The following LRP1B variants were observed in gnomAD, a reference collection of about 807,000 sequenced individuals.
LRP1B encodes the protein LDL receptor related protein 1B, also known as low-density lipoprotein receptor-related protein 1B.
Under a neutral mutation model 556.6 loss-of-function variants are expected in LRP1B, and 217 were observed. That is an observed-to-expected ratio of 0.39 (90% CI 0.35 to 0.44). The LOEUF (loss-of-function observed/expected upper bound fraction) is 0.44, where lower values mean the gene tolerates loss of function less well. Ranked by LOEUF, LRP1B falls within the 20% of genes least tolerant of loss-of-function variation. The pLI is 1.00. For missense variants in LRP1B, 5,053 were observed against 5,620.8 expected (o/e 0.90, Z 3.23); for synonymous variants, 2,047 against 1,865.8 (o/e 1.10, Z -2.50).
At chr2:140,768,260 A>G (rs760728421) in intron 35 of LRP1B, among the ~76,000 whole-genome samples, 8 of 151,918 alleles carry the variant, frequency 5.3e-5, no homozygotes, top group Non-Finnish European at 1.2e-4. Flanking sequence ...ACATGATTAA[A>G]CAAAATGTGT....
intron 41 of LRP1B, among the ~76,000 whole-genome samples, chr2:140,699,476 A>G (rs1686551994): frequency 6.6e-6 from 1 of 151,860 alleles, no homozygotes; most frequent in Admixed American, 6.6e-5. Flanking sequence ...TTATTTGAAC[A>G]CTCTACAACA....
chr2:141,935,089 T>G (rs1304467490), intron 1 of LRP1B, among the ~76,000 whole-genome samples: 2 of 152,062 alleles, frequency 1.3e-5, no homozygotes, highest in African/African-American at 4.8e-5. Flanking sequence ...GACAGTAATT[T>G]CTCCATTGTA....
At chr2:140,320,068 G>A (rs1296831888) in intron 82 of LRP1B, among the ~76,000 whole-genome samples, 1 of 152,066 alleles carries the variant, frequency 6.6e-6, no homozygotes, top group Admixed American at 6.6e-5. Flanking sequence ...CTGTCTTAGT[G>A]TCCTCCTCCC....
chr2:141,687,451 T>C (rs1175155891), intron 2 of LRP1B, among the ~76,000 whole-genome samples: 1 of 152,044 alleles, frequency 6.6e-6, no homozygotes, highest in Non-Finnish European at 1.5e-5. Context: ...TTGAATTTGC[T>C]ACTTAGCCAT....
At chr2:141,852,047 A>G (rs1391396289) in intron 1 of LRP1B, among the ~76,000 whole-genome samples, 1 of 151,764 alleles carries the variant, frequency 6.6e-6, no homozygotes, top group Non-Finnish European at 1.5e-5. Flanking sequence ...ATGTCCCCCA[A>G]ATCCTAATTT....
At chr2:140,630,504 A>C (rs1683839737) in intron 41 of LRP1B, among the ~76,000 whole-genome samples, 1 of 152,156 alleles carries the variant, frequency 6.6e-6, no homozygotes, top group African/African-American at 2.4e-5. Context: ...CATAGCTACA[A>C]ATGGGAAGGA....
intron 15 of LRP1B, among the ~76,000 whole-genome samples, chr2:140,999,821 C>A (rs1176708898): frequency 2.0e-5 from 3 of 151,756 alleles, no homozygotes; most frequent in African/African-American, 7.3e-5. Context: ...GTTGGAGATA[C>A]AAAAAAGGAG....
At chr2:140,417,777 A>T (rs1685263272) in intron 66 of LRP1B, among the ~76,000 whole-genome samples, 1 of 152,204 alleles carries the variant, frequency 6.6e-6, no homozygotes, top group Non-Finnish European at 1.5e-5. Context: ...CTAGCCAAAA[A>T]ATGTCATCTG....
chr2:140,858,995 T>C (rs1295112846), intron 27 of LRP1B, among the ~76,000 whole-genome samples: 1 of 152,158 alleles, frequency 6.6e-6, no homozygotes, highest in African/African-American at 2.4e-5. Flanking sequence ...GATTTTCTTT[T>C]TTTCTGAAAA....
intron 75 of LRP1B, among the ~76,000 whole-genome samples, chr2:140,353,512 T>C (rs546621259): frequency 3.9e-5 from 6 of 152,222 alleles, no homozygotes; most frequent in Admixed American, 1.3e-4. Flanking sequence ...TCTGATGACC[T>C]ACCTCCATGC....
At chr2:140,321,378 T>C (rs1459498682) in intron 82 of LRP1B, among the ~76,000 whole-genome samples, 1 of 151,964 alleles carries the variant, frequency 6.6e-6, no homozygotes, top group Non-Finnish European at 1.5e-5. Context: ...TAGTTTTTAG[T>C]TTTTACATTA....
intron 35 of LRP1B, among the ~76,000 whole-genome samples, chr2:140,764,151 A>C (rs2104922152): frequency 6.6e-6 from 1 of 152,240 alleles, no homozygotes; most frequent in African/African-American, 2.4e-5. Flanking sequence ...TCTTTTTATA[A>C]GCTTCCAGGC....
chr2:141,417,832 C>A (rs1204545634), intron 3 of LRP1B, among the ~76,000 whole-genome samples: 1 of 150,040 alleles, frequency 6.7e-6, no homozygotes, highest in Non-Finnish European at 1.5e-5. Context: ...TATCTACCAA[C>A]AGCACACAAG....
intron 2 of LRP1B, among the ~76,000 whole-genome samples, chr2:141,504,081 C>A (rs1310515448): frequency 6.6e-6 from 1 of 152,174 alleles, no homozygotes; most frequent in African/African-American, 2.4e-5. Context: ...TGGTTACTCA[C>A]ATGTCCAAAG....
chr2:141,451,658 T>C (rs1418889097), intron 3 of LRP1B, among the ~76,000 whole-genome samples: 1 of 152,196 alleles, frequency 6.6e-6, no homozygotes, highest in Non-Finnish European at 1.5e-5. Flanking sequence ...CAGAAGGGCT[T>C]CTTTTTATAC....
At chr2:140,797,293 G>T (rs1197759503) in intron 32 of LRP1B, among the ~76,000 whole-genome samples, 1 of 151,980 alleles carries the variant, frequency 6.6e-6, no homozygotes, top group African/African-American at 2.4e-5. Context: ...TCCACAGCTA[G>T]ATAATTTTAA....
chr2:142,016,176 A>G (rs1400804780), intron 1 of LRP1B, among the ~76,000 whole-genome samples: 1 of 151,890 alleles, frequency 6.6e-6, no homozygotes, highest in Non-Finnish European at 1.5e-5. Flanking sequence ...AATAGTCAGG[A>G]AACAGATGCT....
At chr2:140,957,519 G>A (rs1695909520) in intron 18 of LRP1B, among the ~76,000 whole-genome samples, 1 of 151,450 alleles carries the variant, frequency 6.6e-6, no homozygotes, top group African/African-American at 2.4e-5. Flanking sequence ...AAAAAATATT[G>A]AATAGTTCTG....
chr2:140,861,618 T>C (rs1692800776), intron 27 of LRP1B, among the ~76,000 whole-genome samples: 1 of 152,232 alleles, frequency 6.6e-6, no homozygotes. Context: ...TGGAATTTAC[T>C]GTTTGACTGA....
Sources: allele counts gnomAD v4.1 joint callset (sites outside exome capture counted in the v4.1 genomes callset), GRCh38; gene constraint gnomAD v4.1.1; transcripts MANE v1.5; gene names NCBI Gene and HGNC (gene_info 2026-07-23, HGNC 2026-07-21).